The following PCDHA10 variants were observed in gnomAD, a reference collection of about 807,000 sequenced individuals.
The protein encoded by PCDHA10 is protocadherin alpha-10.
PCDHA10 carries 45 observed loss-of-function variants against 61.2 expected under a neutral mutation model. The observed-to-expected ratio is 0.74, with a 90% CI of 0.58 to 0.94. The LOEUF (loss-of-function observed/expected upper bound fraction) is 0.94. PCDHA10 is among the 40% of genes least tolerant of loss of function. PCDHA10 has a pLI of 0.00. For synonymous variants in PCDHA10, 602 were observed against 548.8 expected (o/e 1.10, Z -1.35); for missense variants, 1,278 against 1,236.2 (o/e 1.03, Z -0.51).
intron 1 of PCDHA10, chr5:140,870,176 TACGAGAGG>T: frequency 6.2e-7 from 1 of 1,614,126 alleles, no homozygotes; most frequent in Non-Finnish European, 8.5e-7. Flanking sequence ...TCCCTCCCAG[TACGAGAGG>T]ACGCTCAGCC....
At chr5:140,927,059 G>T (rs2153586396) in intron 1 of PCDHA10, 1 of 1,611,324 alleles carries the variant, frequency 6.2e-7, no homozygotes, top group Middle Eastern at 1.7e-4. Flanking sequence ...CGGAACTTTC[G>T]CTTCCTTTCC....
Position 140,925,641 on chromosome 5 carries a change from T to TATAATAATAATA in PCDHA10, c.2389-53282_2389-53271dup, listed in dbSNP as rs10569930. On this transcript the variant is annotated intron_variant, in intron 1 of 3. Coordinates refer to ENST00000307360, the MANE Select transcript of PCDHA10 (RefSeq NM_018901.4). ...TGCACATGTACCCTAGAACTTAAAG[T>TATAATAATAATA]ATAATAATAATAATAATAATAATAA... 2.2e-3 allele frequency among the ~76,000 whole-genome samples: 310 copies of TATAATAATAATA among 143,350 alleles called. 1 individual carries two copies. The highest frequency in any genetic ancestry group is 2.8e-3 in the East Asian group (14 of 4,930). 94.0% of individuals were successfully genotyped at this position (143,350 alleles called of 152,430 possible).
chr5:140,978,810 G>C, intron 1 of PCDHA10, 139 bp from the exon 2 acceptor site: 2 of 1,500,034 alleles, frequency 1.3e-6, no homozygotes, highest in Non-Finnish European at 1.8e-6. Flanking sequence ...TATCATCATA[G>C]AGTTACACAT....
Position 140,856,523 on chromosome 5 carries a change from G to T in PCDHA10, c.475G>T (p.Ala159Ser). The change falls in exon 1 of 4, where the codon GCG (alanine) becomes TCG (serine). Residue 159 changes from alanine to serine, a missense_variant. By Grantham distance (99) the Ala-to-Ser change is moderately conservative (BLOSUM62 1). Coordinates refer to ENST00000307360, the MANE Select transcript of PCDHA10 (RefSeq NM_018901.4). ...ATTTCCACTAGAAGGCGCATCTGAT[G>T]CGGATGTTGGAGAGAACGCATTGCT... The part of the protein sequence containing the change: ...SRFPLEGASD[A>S]DVGENALLTY... 6.3e-7 allele frequency: 1 copy of T among 1,598,526 alleles called. No homozygotes were observed. Among genetic ancestry groups the T allele is most frequent in the Non-Finnish European group, 8.6e-7 (1 of 1,167,938 alleles).
intron 1 of PCDHA10, among the ~76,000 whole-genome samples, chr5:140,971,092 G>A (rs1263264725): frequency 2.0e-5 from 3 of 152,168 alleles, no homozygotes; most frequent in Non-Finnish European, 4.4e-5. Flanking sequence ...ACAAATTCTT[G>A]TGAAGCCCTT....
chr5:140,920,703 G>A (rs1435351032), intron 1 of PCDHA10, among the ~76,000 whole-genome samples: 1 of 152,060 alleles, frequency 6.6e-6, no homozygotes, highest in Non-Finnish European at 1.5e-5. Context: ...CATTAGCTTG[G>A]CATGGTGGTG....
rs1158226302 is a variant in PCDHA10, at chr5:140,856,812, T to C, written c.764T>C (p.Val255Ala). 1.9e-6 allele frequency: 3 copies of C among 1,594,276 alleles called. 1 individual carries two copies. Among genetic ancestry groups the C allele is most frequent in the Non-Finnish European group, 2.6e-6 (3 of 1,164,510 alleles). ...GAAGTTAAGATGTATGAAAATCAAG[T>C]GAACCAAACATTAGTAATACGGCTC... ...VYEVKMYENQ[V>A]NQTLVIRLNA... Residue 255 changes from valine (V) to alanine (A), a missense_variant, in exon 1 of 4, where the codon GTG becomes GCG. Coordinates refer to ENST00000307360, the MANE Select transcript of PCDHA10 (RefSeq NM_018901.4).
At chr5:140,863,336 T>A (rs782350790) in intron 1 of PCDHA10, 1 of 1,385,482 alleles carries the variant, frequency 7.2e-7, no homozygotes, top group Admixed American at 1.8e-5. Flanking sequence ...GTGCTCACGT[T>A]GCTGCTGTAC....
intron 1 of PCDHA10, among the ~76,000 whole-genome samples, chr5:140,976,934 C>T (rs995021593): frequency 1.3e-5 from 2 of 152,170 alleles, no homozygotes; most frequent in African/African-American, 2.4e-5. Context: ...TGTGTAGCTA[C>T]TTAAAACATA....
chr5:140,911,444 C>T (rs13161603), intron 1 of PCDHA10, among the ~76,000 whole-genome samples: 2,752 of 152,248 alleles, frequency 0.018, 47 homozygotes, highest in South Asian at 0.1. Context: ...CCCGCAATTT[C>T]AGCTCTTTCT....
At chr5:140,907,519 C>A (rs1378450434) in intron 1 of PCDHA10, among the ~76,000 whole-genome samples, 3 of 152,184 alleles carry the variant, frequency 2.0e-5, no homozygotes, top group Non-Finnish European at 4.4e-5. Flanking sequence ...CCAGTGAGGA[C>A]AAATCGCTGC....
At chr5:140,858,825 A>G in intron 1 of PCDHA10, 1 of 333,686 alleles carries the variant, frequency 3.0e-6, no homozygotes, top group Non-Finnish European at 5.6e-6. Flanking sequence ...TTGTATTTGC[A>G]TTACCAAAAA....
intron 1 of PCDHA10, among the ~76,000 whole-genome samples, chr5:140,887,198 G>A (rs1276345927): frequency 2.6e-5 from 4 of 151,490 alleles, no homozygotes; most frequent in Admixed American, 2.6e-4. Flanking sequence ...CCGGGTTCAC[G>A]CCATTCTCCT....
rs1464673358 is a variant in PCDHA10 at position 140,894,228 on chromosome 5, A to T, written c.2388+35792A>T. 2.6e-5 allele frequency among the ~76,000 whole-genome samples: 4 copies of T among 152,088 alleles called. No homozygotes were observed. In the South Asian group the frequency reaches 8.3e-4, roughly 31 times the overall value. ...TTATATTCTCATTTTAAAGATGTTG[A>T]ATGACAATGTAATTTTCTTTTCTTT... is the stretch of plus-strand genomic sequence containing the variant. On this transcript the variant is annotated intron_variant, in intron 1 of 3. Transcript: ENST00000307360.
chr5:140,988,675 A>C (rs574653772), intron 3 of PCDHA10, among the ~76,000 whole-genome samples: 1 of 152,228 alleles, frequency 6.6e-6, no homozygotes, highest in East Asian at 1.9e-4. Context: ...ACTCTAAGAT[A>C]ATTCTTTCCC....
chr5:140,985,226 C>T (rs1319001576), intron 3 of PCDHA10, among the ~76,000 whole-genome samples: 6 of 152,126 alleles, frequency 3.9e-5, no homozygotes, highest in Admixed American at 6.5e-5. Flanking sequence ...CGTGAGCCAC[C>T]GCGCCTGGCC....
chr5:140,868,540 A>T (rs1244659306), intron 1 of PCDHA10: 2 of 152,656 alleles, frequency 1.3e-5, no homozygotes, highest in Admixed American at 6.5e-5. Flanking sequence ...AAACAATTCA[A>T]ATTTGATAGT....
intron 3 of PCDHA10, among the ~76,000 whole-genome samples, chr5:140,990,571 G>A (rs996259729): frequency 6.6e-6 from 1 of 152,102 alleles, no homozygotes; most frequent in Non-Finnish European, 1.5e-5. Flanking sequence ...ACACCTGTTC[G>A]ATCTCTTTTC....
At position 140,855,984 on chromosome 5, in the gene PCDHA10, A is replaced by G; in HGVS notation, c.-65A>G. On this transcript the variant is annotated 5_prime_UTR_variant, in exon 1 of 4. An upstream start codon of the reference 5' UTR is lost. Transcript: ENST00000307360. ...ATAGATATAAGAAATAGGACAGAAA[A>G]TGTCAGATCGTATGTGCGTTCTAGA... is the stretch of plus-strand genomic sequence containing the variant. 1 of 1,472,240 alleles carries G rather than the reference A, an allele frequency of 6.8e-7. No homozygotes were observed. The highest frequency in any genetic ancestry group is 2.3e-5 in the East Asian group (1 of 44,076). 91.2% of individuals were successfully genotyped at this position (1,472,240 alleles called of 1,614,324 possible).
Sources: gnomAD v4.1 joint callset for allele counts (sites outside exome capture counted in the v4.1 genomes callset) on GRCh38, gnomAD v4.1.1 for gene constraint, MANE v1.5 for transcripts, NCBI Gene and HGNC (gene_info 2026-07-23, HGNC 2026-07-21) for gene names.